The following LRRC49 variants were observed in gnomAD, a reference collection of about 807,000 sequenced individuals.
The protein encoded by LRRC49 is leucine-rich repeat-containing protein 49.
In LRRC49, 50 loss-of-function variants were observed where a neutral mutation model predicts 83.3. That is an observed-to-expected ratio of 0.60 (90% CI 0.48 to 0.76). LRRC49 has a LOEUF of 0.76. Ranked by LOEUF, LRRC49 falls within the 30% of genes least tolerant of loss-of-function variation. The probability of loss-of-function intolerance (pLI) is 0.00; values close to 1 mark genes in which losing one functional copy is unlikely to be tolerated. For missense variants in LRRC49, 704 were observed against 809.1 expected (o/e 0.87, Z 1.58); for synonymous variants, 286 against 283.3 (o/e 1.01, Z -0.10).
intron 10 of LRRC49, among the ~76,000 whole-genome samples, chr15:70,981,894 T>C (rs915340006): frequency 5.3e-4 from 74 of 140,134 alleles, no homozygotes; most frequent in South Asian, 2.2e-4. Flanking sequence ...GCTTCTTCTT[T>C]TTTTTTTTTT....
At chr15:70,940,455 G>A (rs2035772102) in intron 8 of LRRC49, among the ~76,000 whole-genome samples, 1 of 151,636 alleles carries the variant, frequency 6.6e-6, no homozygotes, top group South Asian at 2.1e-4. Context: ...CAGAGACGGT[G>A]TTTCACTGTG....
intron 5 of LRRC49, among the ~76,000 whole-genome samples, chr15:70,909,617 G>A (rs1300689442): frequency 6.6e-6 from 1 of 152,104 alleles, no homozygotes; most frequent in African/African-American, 2.4e-5. Flanking sequence ...GAGGCAGGCG[G>A]ATCACCACGT....
At chr15:70,972,697 T>TTC (rs2037053155) in intron 9 of LRRC49, among the ~76,000 whole-genome samples, 1 of 152,162 alleles carries the variant, frequency 6.6e-6, no homozygotes, top group African/African-American at 2.4e-5. Flanking sequence ...TCATTCTTTT[T>TTC]TCTCTAATCT....
chr15:70,970,564 T>G (rs1289415802), intron 9 of LRRC49, among the ~76,000 whole-genome samples: 1 of 152,138 alleles, frequency 6.6e-6, no homozygotes, highest in Non-Finnish European at 1.5e-5. Context: ...GGATGCTACC[T>G]GCTCCTCTTT....
At chr15:70,952,825 G>C (rs1457182732) in intron 8 of LRRC49, among the ~76,000 whole-genome samples, 1 of 152,044 alleles carries the variant, frequency 6.6e-6, no homozygotes, top group Non-Finnish European at 1.5e-5. Context: ...GTTGGGTTGG[G>C]TGTGTATATA....
At chr15:70,999,531 C>G (rs2038189572) in intron 11 of LRRC49, among the ~76,000 whole-genome samples, 1 of 152,156 alleles carries the variant, frequency 6.6e-6, no homozygotes, top group Non-Finnish European at 1.5e-5. Flanking sequence ...TTTTGAGGCA[C>G]TCTTTCACTG....
chr15:71,037,311 C>G lies in LRRC49; in HGVS notation c.1836C>G (p.Asp612Glu). The change falls in exon 15 of 16, where the codon GAC becomes GAG. Residue 612 changes from aspartate to glutamate, a missense_variant. Transcript: ENST00000260382. ...CTACATTAAATTATACTACAAGAGA[C>G]TTTTATAATGAAAAGCTAGAGGTAA... is the stretch of plus-strand genomic sequence containing the variant. ...NRATLNYTTRDFYNEKLEEIK... is the reference protein window; with the variant it reads ...NRATLNYTTREFYNEKLEEIK... 6.3e-7 allele frequency: 1 copy of G among 1,597,914 alleles called. No individual in the cohort carries two copies. Among genetic ancestry groups the G allele is most frequent in the South Asian group, 1.1e-5 (1 of 88,028 alleles).
chr15:70,869,325 T>G (rs181229437), intron 1 of LRRC49, among the ~76,000 whole-genome samples: 180 of 152,312 alleles, frequency 1.2e-3, no homozygotes, highest in African/African-American at 4.1e-3. Flanking sequence ...CTTCCCTGCC[T>G]AATCTTCTAA....
intron 11 of LRRC49, among the ~76,000 whole-genome samples, chr15:70,995,410 A>T (rs1419483460): frequency 3.3e-5 from 5 of 152,216 alleles, no homozygotes; most frequent in Non-Finnish European, 7.3e-5. Flanking sequence ...AGCAATATGG[A>T]AGCCATTGTT....
intron 9 of LRRC49, among the ~76,000 whole-genome samples, chr15:70,965,654 T>G (rs1025963438): frequency 2.0e-5 from 3 of 152,092 alleles, no homozygotes; most frequent in Admixed American, 6.6e-5. Context: ...TTTTGTATTC[T>G]TCTCATTGCA....
At chr15:71,044,666 G>C (rs1164677604) in intron 15 of LRRC49, among the ~76,000 whole-genome samples, 1 of 151,758 alleles carries the variant, frequency 6.6e-6, no homozygotes, top group Non-Finnish European at 1.5e-5. Context: ...CACGCCTGTG[G>C]TCACAACTGC....
At chr15:70,958,165 C>G (rs1357139471) in intron 8 of LRRC49, among the ~76,000 whole-genome samples, 4 of 152,150 alleles carry the variant, frequency 2.6e-5, no homozygotes, top group Non-Finnish European at 5.9e-5. Context: ...TGACTACTAC[C>G]TTGGTTTTTG....
intron 9 of LRRC49, among the ~76,000 whole-genome samples, chr15:70,971,098 C>T (rs2036980379): frequency 6.6e-6 from 1 of 152,144 alleles, no homozygotes; most frequent in Non-Finnish European, 1.5e-5. Flanking sequence ...TTAGATCTTT[C>T]CCACTTTCTT....
chr15:71,025,946 G>C (rs1174704379), intron 14 of LRRC49, among the ~76,000 whole-genome samples: 1 of 152,146 alleles, frequency 6.6e-6, no homozygotes, highest in Non-Finnish European at 1.5e-5. Context: ...ACACCCCACT[G>C]TCAACATTAG....
intron 11 of LRRC49, 101 bp downstream of exon 11, chr15:70,984,358 C>A: frequency 2.0e-6 from 2 of 996,552 alleles, no homozygotes; most frequent in Non-Finnish European, 2.8e-6. Context: ...AAAGGGTTTT[C>A]TTAAGAAAAC....
chr15:70,963,878 C>A lies in LRRC49; in HGVS notation c.867C>A (p.His289Gln), dbSNP rs865858145. ...TAGCTCAAGAGTCATGGTACAAACACACTGTCCTTCAGAATATGATGCAGC... is the reference window on the plus strand; with the variant it reads ...TAGCTCAAGAGTCATGGTACAAACAAACTGTCCTTCAGAATATGATGCAGC... Reference protein sequence around the residue: ...NPIAQESWYKHTVLQNMMQLR... With the variant: ...NPIAQESWYKQTVLQNMMQLR... Residue 289 changes from histidine (H) to glutamine (Q), a missense_variant, in exon 9 of 16, where the codon CAC becomes CAA. By Grantham distance (24) the His-to-Gln change is conservative. Around this residue, in one of 3 missense-constraint regions of LRRC49, gnomAD observed 168 missense variants for 140.6 expected, o/e 1.20. Transcript: ENST00000260382. The A allele has an allele frequency of 2.5e-6, 4 of 1,613,634 alleles. No homozygotes were observed. Among genetic ancestry groups the A allele is most frequent in the Non-Finnish European group, 3.4e-6 (4 of 1,179,640 alleles).
intron 1 of LRRC49, among the ~76,000 whole-genome samples, chr15:70,858,386 G>A (rs527594290): frequency 4.5e-4 from 69 of 152,162 alleles, no homozygotes; most frequent in Middle Eastern, 3.2e-3. Flanking sequence ...CAAATCACTC[G>A]AGGTCAGGAG....
intron 14 of LRRC49, among the ~76,000 whole-genome samples, chr15:71,022,136 G>T (rs1234128961): frequency 6.6e-6 from 1 of 152,156 alleles, no homozygotes; most frequent in Non-Finnish European, 1.5e-5. Context: ...ACTTTGGGAG[G>T]CTGAGACAGG....
intron 14 of LRRC49, among the ~76,000 whole-genome samples, chr15:71,024,747 C>T (rs903782395): frequency 1.3e-5 from 2 of 151,718 alleles, no homozygotes; most frequent in African/African-American, 4.8e-5. Context: ...GGACACAGAA[C>T]TGGGTGAAGG....
Sources: gnomAD v4.1 joint callset for allele counts (sites outside exome capture counted in the v4.1 genomes callset) on GRCh38, gnomAD v4.1.1 for gene constraint, gnomAD v4.1.1 regional missense constraint, MANE v1.5 for transcripts, NCBI Gene and HGNC (gene_info 2026-07-23, HGNC 2026-07-21) for gene names.